Variants in SCPEP1 observed in about 807,000 individuals in gnomAD.
SCPEP1 encodes retinoid-inducible serine carboxypeptidase.
In SCPEP1, 51 loss-of-function variants were observed where a neutral mutation model predicts 63.8. The observed-to-expected ratio is 0.80, with a 90% CI of 0.64 to 1.01. The LOEUF is 1.01. Among genes scored for constraint, SCPEP1 ranks in the 50% least tolerant of loss-of-function variants. SCPEP1 has a pLI of 0.00. For missense variants in SCPEP1, 499 were observed against 554.9 expected (o/e 0.90, Z 1.01); for synonymous variants, 204 against 207.8 (o/e 0.98, Z 0.16).
chr17:56,978,294 G>GT, intron 1 of SCPEP1, 59 bp downstream of exon 1: 1 of 1,483,774 alleles, frequency 6.7e-7, no homozygotes, highest in Non-Finnish European at 9.0e-7. Context: ...AGGCGTGAGA[G>GT]TTTGTTACTG....
At chr17:57,004,626 T>G (rs541521273) in intron 12 of SCPEP1, among the ~76,000 whole-genome samples, 1 of 152,348 alleles carries the variant, frequency 6.6e-6, no homozygotes, top group South Asian at 2.1e-4. Context: ...ATCTTGGGGA[T>G]GGGACCCAAG....
At chr17:56,987,550 A>T in intron 3 of SCPEP1, 145 bp from the exon 4 acceptor site, 1 of 718,846 alleles carries the variant, frequency 1.4e-6, no homozygotes, top group East Asian at 3.0e-5. Flanking sequence ...CTTATTTTTA[A>T]AAATCTCTTT....
chr17:56,985,381 G>A lies in SCPEP1; in HGVS notation c.229G>A (p.Gly77Ser), dbSNP rs201362915. The A allele has an allele frequency of 8.9e-5, 144 of 1,613,446 alleles. No homozygotes were observed. Among genetic ancestry groups the A allele is most frequent in the Admixed American group, 1.2e-4 (7 of 59,998 alleles). ...TTGTTTCTTCTCTCTTCCATAGGGCGGTCCAGGCGGTTCTAGCACTGGATT... is the reference window on the plus strand; with the variant it reads ...TTGTTTCTTCTCTCTTCCATAGGGCAGTCCAGGCGGTTCTAGCACTGGATT... ...ELPLVMWLQG[G>S]PGGSSTGFGN... is the part of the protein sequence containing the mutation. Residue 77 changes from glycine to serine, a missense_variant, in exon 3 of 13, where the codon GGT becomes AGT. By Grantham distance (56) the Gly-to-Ser change is moderately conservative (BLOSUM62 0). Transcript: ENST00000262288.
At chr17:57,000,550 G>T (rs540849666) in intron 10 of SCPEP1, among the ~76,000 whole-genome samples, 1 of 152,298 alleles carries the variant, frequency 6.6e-6, no homozygotes, top group Admixed American at 6.5e-5. Flanking sequence ...AGCCTAATGA[G>T]TATTTCCTGG....
chr17:57,001,037 T>A, intron 11 of SCPEP1, 45 bp downstream of exon 11: 3 of 1,608,036 alleles, frequency 1.9e-6, no homozygotes, highest in Non-Finnish European at 2.6e-6. Flanking sequence ...TTTTATGGGT[T>A]CAACTGGAAG....
At chr17:56,979,426 C>A (rs1169097529) in intron 1 of SCPEP1, among the ~76,000 whole-genome samples, 1 of 151,662 alleles carries the variant, frequency 6.6e-6, no homozygotes, top group African/African-American at 2.4e-5. Flanking sequence ...AAACTCCAGT[C>A]ACCGAGGGGA....
chr17:56,993,769 A>G (rs999355785), intron 6 of SCPEP1, among the ~76,000 whole-genome samples: 1 of 152,176 alleles, frequency 6.6e-6, no homozygotes, highest in South Asian at 2.1e-4. Context: ...TTTACTGTCT[A>G]TGGCTGTTTG....
intron 2 of SCPEP1, 129 bp downstream of exon 2, chr17:56,981,359 C>A: frequency 1.0e-6 from 1 of 957,976 alleles, no homozygotes; most frequent in Non-Finnish European, 1.6e-6. Context: ...CCTGGGGGTT[C>A]GGCGTGCTTC....
chr17:56,988,235 T>C lies in SCPEP1; in HGVS notation c.491T>C (p.Phe164Ser), dbSNP rs1264355594. The change falls in exon 5 of 13, where the codon TTC becomes TCC. Residue 164 changes from phenylalanine (F) to serine (S), a missense_variant. Transcript: ENST00000262288. ...TGCTAGACAGTTCCATTCTACATTTTCTCAGAGTCCTATGGAGGAAAAATG... is the reference window on the plus strand; with the variant it reads ...TGCTAGACAGTTCCATTCTACATTTCCTCAGAGTCCTATGGAGGAAAAATG... The part of the protein sequence containing the change: ...KEFQTVPFYI[F>S]SESYGGKMAA... 3.7e-6 allele frequency: 6 copies of C among 1,612,134 alleles called. No homozygotes were observed. The East Asian group carries it at 1.3e-4, about 36-fold the overall frequency.
chr17:56,996,844 G>T, intron 8 of SCPEP1, 118 bp from the exon 9 acceptor site: 1 of 594,270 alleles, frequency 1.7e-6, no homozygotes, highest in Non-Finnish European at 2.9e-6. Context: ...TCTGATCCAA[G>T]CAGATATACA....
At chr17:56,993,143 C>T (rs574156104) in intron 6 of SCPEP1, among the ~76,000 whole-genome samples, 4 of 152,312 alleles carry the variant, frequency 2.6e-5, no homozygotes, top group African/African-American at 9.6e-5. Flanking sequence ...TCTGCACTGT[C>T]ACTAAGCCCA....
chr17:57,001,976 CA>C lies in SCPEP1; in HGVS notation c.1133-41del, dbSNP rs759770840. On this transcript the variant is annotated intron_variant, in intron 11 of 12. Coordinates refer to ENST00000262288, the MANE Select transcript of SCPEP1 (RefSeq NM_021626.3). ...ACCTAGACTTTTTTCCTATTCTATC[CA>C]GCTGTTAATGCCAGGCCTTTCTCTT... The C allele has an allele frequency of 4.2e-5, 67 of 1,586,100 alleles. No homozygotes were observed. In the African/African-American group the frequency reaches 8.5e-4, roughly 20 times the overall value.
intron 11 of SCPEP1, among the ~76,000 whole-genome samples, chr17:57,001,656 AG>A (rs1911743072): frequency 2.0e-5 from 2 of 101,082 alleles, no homozygotes; most frequent in South Asian, 6.4e-4. Flanking sequence ...TGAACATCCC[AG>A]GTGATCCTTA....
In SCPEP1 at chr17:57,002,220, TGAGA is replaced by T. The variant is rs1911760433; in HGVS notation, c.1296+41_1296+44del. The T allele has an allele frequency of 1.9e-6, 3 of 1,601,298 alleles. No individual in the cohort carries two copies. The African/African-American group carries it at 4.0e-5, about 22-fold the overall frequency. On this transcript the variant is annotated intron_variant, in intron 12 of 12. Coordinates refer to ENST00000262288, the MANE Select transcript of SCPEP1 (RefSeq NM_021626.3). ...TTTGTTCCAGACTTAAAAATCATCCTGAGAGGGAAGCCACAGGCGGTTATTATGC... is the reference window on the plus strand; with the variant it reads ...TTTGTTCCAGACTTAAAAATCATCCTGGGAAGCCACAGGCGGTTATTATGC...
At chr17:57,001,231 G>T (rs1013432137) in intron 11 of SCPEP1, among the ~76,000 whole-genome samples, 8 of 152,156 alleles carry the variant, frequency 5.3e-5, no homozygotes, top group African/African-American at 1.4e-4. Context: ...TATGATTAAA[G>T]AAAAGAACAC....
intron 10 of SCPEP1, among the ~76,000 whole-genome samples, chr17:56,999,729 T>TC (rs1235808690): frequency 6.6e-6 from 1 of 152,150 alleles, no homozygotes; most frequent in Non-Finnish European, 1.5e-5. Context: ...ACGCCTGTAA[T>TC]CCCAGCATTT....
At chr17:57,002,487 G>A (rs932354952) in intron 12 of SCPEP1, among the ~76,000 whole-genome samples, 1 of 152,182 alleles carries the variant, frequency 6.6e-6, no homozygotes, top group South Asian at 2.1e-4. Flanking sequence ...AGGCTGAGAC[G>A]GGTGGATCGC....
Position 56,982,247 on chromosome 17 carries a change from A to C in SCPEP1, c.225+1017A>C, listed in dbSNP as rs552853182. ...TGGAACCCTGGGCCCCTCATCAGTA[A>C]ATAGGGACCCTGGTGCTCACCTCCA... On this transcript the variant is annotated intron_variant, in intron 2 of 12. Coordinates refer to ENST00000262288, the MANE Select transcript of SCPEP1 (RefSeq NM_021626.3). 2.6e-5 allele frequency among the ~76,000 whole-genome samples: 4 copies of C among 152,192 alleles called. No individual in the cohort carries two copies. In the South Asian group the frequency reaches 8.3e-4, roughly 32 times the overall value.
chr17:56,986,546 T>TC (rs1379184643), intron 3 of SCPEP1, among the ~76,000 whole-genome samples: 20 of 147,406 alleles, frequency 1.4e-4, no homozygotes, highest in African/African-American at 4.8e-4. Flanking sequence ...GTTTTTTTTT[T>TC]TCTGTTTTTT....
Sources: gnomAD v4.1 joint callset for allele counts (sites outside exome capture counted in the v4.1 genomes callset) on GRCh38, gnomAD v4.1.1 for gene constraint, MANE v1.5 for transcripts, NCBI Gene and HGNC (gene_info 2026-07-23, HGNC 2026-07-21) for gene names.